Variants in DLG2 observed in about 807,000 individuals in gnomAD.
The protein encoded by DLG2 is discs large MAGUK scaffold protein 2.
A neutral mutation model predicts 132.5 loss-of-function variants in DLG2; 45 were observed. The observed-to-expected ratio is 0.34, with a 90% CI of 0.27 to 0.44. The LOEUF (loss-of-function observed/expected upper bound fraction) is 0.44, where lower values mean the gene tolerates loss of function less well. DLG2 is among the 20% of genes least tolerant of loss of function. The probability of loss-of-function intolerance (pLI) is 1.00; values close to 1 mark genes in which losing one functional copy is unlikely to be tolerated. For missense variants in DLG2, 1,045 were observed against 1,196.9 expected, an observed-to-expected ratio of 0.87 and a Z score of 1.87; for synonymous variants, 424 against 419.6, an observed-to-expected ratio of 1.01 and a Z score of -0.13.
In DLG2 at chr11:83,851,176, CAAA is replaced by C. The variant is rs34436884; in HGVS notation, c.1566-17409_1566-17407del. Among the ~76,000 whole-genome samples, 369 of 130,026 alleles carry C rather than the reference CAAA, an allele frequency of 2.8e-3. 1 individual carries two copies. The highest frequency in any genetic ancestry group is 6.3e-3 in the South Asian group (26 of 4,114). The allele number at this position is 130,026 out of a possible 152,430, so 85.3% of individuals were successfully genotyped here. A position where few individuals can be genotyped will look rare whatever the true frequency, so the allele number is the denominator to read the frequency against. On this transcript the variant is annotated intron_variant, in intron 16 of 27. Coordinates refer to ENST00000376104, the MANE Select transcript of DLG2 (RefSeq NM_001142699.3). The stretch of plus-strand genomic sequence containing the variant: ...TGGGTGACAGAGTGAGACTCCGTCT[CAAA>C]AAAAAAAAAAAAGAATTTTTGAAGT...
At chr11:84,006,213 T>C (rs2094565131) in intron 11 of DLG2, among the ~76,000 whole-genome samples, 1 of 151,766 alleles carries the variant, frequency 6.6e-6, no homozygotes, top group Non-Finnish European at 1.5e-5. Flanking sequence ...TAAAGTGAAA[T>C]AAGCAGGTAA....
chr11:84,161,441 T>C (rs1364058195), intron 9 of DLG2, among the ~76,000 whole-genome samples: 1 of 152,038 alleles, frequency 6.6e-6, no homozygotes, highest in Admixed American at 6.6e-5. Context: ...CATAGAGGCT[T>C]TGGAGAGGGG....
At chr11:83,705,317 T>C (rs1449478677) in intron 18 of DLG2, among the ~76,000 whole-genome samples, 3 of 152,212 alleles carry the variant, frequency 2.0e-5, no homozygotes, top group Non-Finnish European at 2.9e-5. Flanking sequence ...TAAACTTTTA[T>C]TCTCTGGAAT....
At chr11:84,832,410 G>A (rs1355156968) in intron 6 of DLG2, among the ~76,000 whole-genome samples, 3 of 151,598 alleles carry the variant, frequency 2.0e-5, no homozygotes, top group African/African-American at 7.3e-5. Flanking sequence ...AAAGCCTGGT[G>A]CTTCTAGAAA....
intron 7 of DLG2, among the ~76,000 whole-genome samples, chr11:84,426,845 C>G (rs922091991): frequency 6.6e-6 from 1 of 152,028 alleles, no homozygotes; most frequent in Non-Finnish European, 1.5e-5. Context: ...GAATCCCTCT[C>G]TTAAAAGTTG....
At chr11:83,517,609 AT>A (rs1295438375) in intron 21 of DLG2, among the ~76,000 whole-genome samples, 1 of 151,874 alleles carries the variant, frequency 6.6e-6, no homozygotes, top group Admixed American at 6.6e-5. Flanking sequence ...GATTCTTAGA[AT>A]TTTCAGTTTT....
intron 6 of DLG2, among the ~76,000 whole-genome samples, chr11:84,635,338 C>T (rs1002197702): frequency 1.3e-5 from 2 of 152,102 alleles, no homozygotes; most frequent in Non-Finnish European, 2.9e-5. Flanking sequence ...TGCCCATTAC[C>T]ACTCTTGGCT....
chr11:85,462,067 C>T (rs184487145), intron 3 of DLG2, among the ~76,000 whole-genome samples: 148 of 152,294 alleles, frequency 9.7e-4, no homozygotes, highest in African/African-American at 3.3e-3. Context: ...TCATCACTGG[C>T]CATCAGAGAA....
intron 3 of DLG2, among the ~76,000 whole-genome samples, chr11:85,418,327 T>C (rs770266687): frequency 8.5e-4 from 130 of 152,194 alleles, no homozygotes; most frequent in Non-Finnish European, 1.8e-3. Flanking sequence ...ATGATTTCCA[T>C]TCTTTTGCAT....
At chr11:84,441,462 G>T (rs2154477680) in intron 7 of DLG2, among the ~76,000 whole-genome samples, 1 of 152,216 alleles carries the variant, frequency 6.6e-6, no homozygotes, top group African/African-American at 2.4e-5. Flanking sequence ...ATAGTACGTA[G>T]AATATTTTGG....
At chr11:84,898,801 A>C (rs1005955827) in intron 6 of DLG2, among the ~76,000 whole-genome samples, 1 of 151,920 alleles carries the variant, frequency 6.6e-6, no homozygotes, top group Non-Finnish European at 1.5e-5. Context: ...TTAAAACATC[A>C]CTTCCTTCCT....
At chr11:84,592,349 C>T (rs937751677) in intron 6 of DLG2, among the ~76,000 whole-genome samples, 1 of 152,098 alleles carries the variant, frequency 6.6e-6, no homozygotes, top group Non-Finnish European at 1.5e-5. Context: ...AAGTGTTAGA[C>T]CAGTAGTATG....
At chr11:84,563,698 G>A (rs532299195) in intron 6 of DLG2, among the ~76,000 whole-genome samples, 5 of 152,308 alleles carry the variant, frequency 3.3e-5, no homozygotes, top group African/African-American at 1.2e-4. Context: ...GAAAGTTTAA[G>A]TAAAGCAGTT....
At chr11:83,551,337 C>T (rs2096385919) in intron 19 of DLG2, among the ~76,000 whole-genome samples, 1 of 152,142 alleles carries the variant, frequency 6.6e-6, no homozygotes, top group Non-Finnish European at 1.5e-5. Flanking sequence ...TCCAGTAGCA[C>T]TCTTTTAAGT....
chr11:84,820,968 A>G (rs1381223374), intron 6 of DLG2, among the ~76,000 whole-genome samples: 3 of 151,840 alleles, frequency 2.0e-5, no homozygotes, highest in Admixed American at 6.6e-5. Context: ...CAAGTGTTCT[A>G]CCACCCTAGA....
intron 7 of DLG2, among the ~76,000 whole-genome samples, chr11:84,368,303 A>C (rs550337727): frequency 4.7e-4 from 72 of 152,220 alleles, no homozygotes; most frequent in Middle Eastern, 6.8e-3. Flanking sequence ...AGCATATCAC[A>C]ACTTTCTACC....
chr11:85,017,355 A>AC (rs2059659743), intron 6 of DLG2, among the ~76,000 whole-genome samples: 1 of 72,456 alleles, frequency 1.4e-5, no homozygotes, highest in African/African-American at 9.5e-5. Context: ...CTCTTTCTCC[A>AC]CTTTTTTTTT....
chr11:85,375,337 T>G (rs2085322140), intron 3 of DLG2, among the ~76,000 whole-genome samples: 1 of 152,182 alleles, frequency 6.6e-6, no homozygotes, highest in South Asian at 2.1e-4. Context: ...TAAGAAGTGA[T>G]GTGATGATTT....
chr11:84,461,872 T>G (rs921070060), intron 7 of DLG2, among the ~76,000 whole-genome samples: 6 of 151,014 alleles, frequency 4.0e-5, no homozygotes, highest in Admixed American at 2.0e-4. Flanking sequence ...TTCTAACACC[T>G]GGCACAACAC....
Sources: gnomAD v4.1 joint callset for allele counts (sites outside exome capture counted in the v4.1 genomes callset) on GRCh38, gnomAD v4.1.1 for gene constraint, MANE v1.5 for transcripts, NCBI Gene and HGNC (gene_info 2026-07-23, HGNC 2026-07-21) for gene names.